CNBD1: variants seen among roughly 807,000 people sequenced by gnomAD.
CNBD1 encodes the protein cyclic nucleotide-binding domain-containing protein 1.
Under a neutral mutation model 54.4 loss-of-function variants are expected in CNBD1, and 71 were observed. That is an observed-to-expected ratio of 1.30 (90% confidence interval 1.08 to 1.59). The LOEUF (loss-of-function observed/expected upper bound fraction) is 1.59, where lower values mean the gene tolerates loss of function less well. CNBD1 is among the 40% of genes most tolerant of loss of function. The probability of loss-of-function intolerance (pLI) is 0.00; values close to 1 mark genes in which losing one functional copy is unlikely to be tolerated. For missense variants in CNBD1, 659 were observed against 518.0 expected (o/e 1.27, Z -2.64); for synonymous variants, 182 against 170.7 (o/e 1.07, Z -0.51).
At chr8:87,250,594 T>C (rs1458067040) in intron 6 of CNBD1, among the ~76,000 whole-genome samples, 1 of 152,142 alleles carries the variant, frequency 6.6e-6, no homozygotes, top group East Asian at 1.9e-4. Flanking sequence ...AACCATTGAA[T>C]GAATAAAGAA....
intron 4 of CNBD1, among the ~76,000 whole-genome samples, chr8:87,154,671 A>G (rs1332952106): frequency 2.0e-5 from 3 of 152,152 alleles, no homozygotes; most frequent in Non-Finnish European, 4.4e-5. Context: ...TGACCACAGA[A>G]TTTCCTCTAC....
chr8:87,343,105 C>A (rs1272678543), intron 8 of CNBD1, among the ~76,000 whole-genome samples: 1 of 152,186 alleles, frequency 6.6e-6, no homozygotes, highest in Non-Finnish European at 1.5e-5. Flanking sequence ...AGCGATATTT[C>A]TCCTACTTGC....
At chr8:87,181,418 T>C (rs1020154138) in intron 4 of CNBD1, among the ~76,000 whole-genome samples, 1 of 152,344 alleles carries the variant, frequency 6.6e-6, no homozygotes, top group African/African-American at 2.4e-5. Context: ...ATTAGAAATA[T>C]GGCCCTGCAA....
intron 4 of CNBD1, among the ~76,000 whole-genome samples, chr8:87,034,236 C>A (rs935740731): frequency 1.3e-5 from 2 of 152,206 alleles, no homozygotes; most frequent in African/African-American, 4.8e-5. Flanking sequence ...CTTTTCTCTG[C>A]TTCTTGGGAG....
intron 8 of CNBD1, among the ~76,000 whole-genome samples, chr8:87,296,135 A>T (rs1335390001): frequency 3.9e-5 from 6 of 152,172 alleles, no homozygotes; most frequent in Admixed American, 3.3e-4. Flanking sequence ...ATACAATTTG[A>T]TTTCTAAAAA....
At chr8:87,195,371 G>A (rs1813696743) in intron 4 of CNBD1, among the ~76,000 whole-genome samples, 3 of 151,202 alleles carry the variant, frequency 2.0e-5, no homozygotes, top group Admixed American at 1.3e-4. Flanking sequence ...TGGGATTACA[G>A]GTGCATGCCA....
chr8:87,327,409 G>A (rs930076185), intron 8 of CNBD1, among the ~76,000 whole-genome samples: 12 of 152,022 alleles, frequency 7.9e-5, no homozygotes, highest in Non-Finnish European at 1.6e-4. Flanking sequence ...CACCCTCGCT[G>A]CTGCCTTGCA....
intron 4 of CNBD1, among the ~76,000 whole-genome samples, chr8:87,167,282 A>G (rs941773679): frequency 6.6e-6 from 1 of 151,982 alleles, no homozygotes; most frequent in East Asian, 1.9e-4. Context: ...GGTACTTAGT[A>G]TATCGAACAC....
intron 4 of CNBD1, among the ~76,000 whole-genome samples, chr8:87,039,877 A>G (rs1397446225): frequency 1.3e-5 from 2 of 152,098 alleles, no homozygotes; most frequent in Admixed American, 6.6e-5. Flanking sequence ...ATGGATATCA[A>G]TCCCTATGAT....
rs947468430 is a variant in CNBD1, at chr8:87,324,797, T to G, written c.1043-26888T>G. Among the ~76,000 whole-genome samples, 101 of 132,026 alleles carry G rather than the reference T, an allele frequency of 7.7e-4. 3 individuals are homozygous for G. Among genetic ancestry groups the G allele is most frequent in the Non-Finnish European group, 1.3e-3 (78 of 59,990 alleles). The allele number at this position is 132,026 out of a possible 152,430, so 86.6% of individuals were successfully genotyped here. A position where few individuals can be genotyped will look rare whatever the true frequency, so the allele number is the denominator to read the frequency against. On this transcript the variant is annotated intron_variant, in intron 8 of 10. Coordinates refer to ENST00000518476, the MANE Select transcript of CNBD1 (RefSeq NM_173538.3). Reference sequence around the variant, plus strand: ...TTTTGAAGGGTTTTTTGTGTCTCTATTTCCTTCAGTTCTGCTCGGATTTTA... The same window carrying G: ...TTTTGAAGGGTTTTTTGTGTCTCTAGTTCCTTCAGTTCTGCTCGGATTTTA...
chr8:87,338,144 T>G lies in CNBD1; in HGVS notation c.1043-13541T>G, dbSNP rs112777769. 3.2e-3 allele frequency among the ~76,000 whole-genome samples: 483 copies of G among 152,300 alleles called. 5 individuals carry two copies. Among genetic ancestry groups the G allele is most frequent in the African/African-American group, 0.011 (448 of 41,566 alleles). On this transcript the variant is annotated intron_variant, in intron 8 of 10. Transcript: ENST00000518476. The stretch of plus-strand genomic sequence containing the variant: ...CTAATTTCAAATAATACTATACCAC[T>G]TCACAGAAAGTGTGAGTACCTTTAA...
intron 4 of CNBD1, among the ~76,000 whole-genome samples, chr8:87,041,291 A>T (rs944313450): frequency 1.3e-5 from 2 of 152,156 alleles, no homozygotes; most frequent in Non-Finnish European, 1.5e-5. Context: ...TGAAAAGATA[A>T]CTTATGGATA....
At position 87,163,997 on chromosome 8, in the gene CNBD1, A is replaced by T. The variant is rs1481638674; in HGVS notation, c.432-41996A>T. On this transcript the variant is annotated intron_variant, in intron 4 of 10. Coordinates refer to ENST00000518476, the MANE Select transcript of CNBD1 (RefSeq NM_173538.3). This position sits in a 1 kb window ranked among gnomAD's most constrained non-coding sequence, Gnocchi z 4.5. ...TGTACCTAATTTGTTGAGAATTTCT[A>T]TTTTTGAAAGAATGCCTAGTTTTGT... Among the ~76,000 whole-genome samples the T allele has an allele frequency of 6.6e-6, 1 of 151,942 alleles. No homozygotes were observed. The highest frequency in any genetic ancestry group is 1.5e-5 in the Non-Finnish European group (1 of 67,830).
intron 4 of CNBD1, among the ~76,000 whole-genome samples, chr8:87,073,197 C>T (rs887143344): frequency 4.6e-5 from 7 of 151,870 alleles, no homozygotes; most frequent in African/African-American, 1.7e-4. Flanking sequence ...CAGTCAGCTC[C>T]TGTATTTTTT....
At chr8:87,140,198 G>A (rs148612254) in intron 4 of CNBD1, among the ~76,000 whole-genome samples, 2 of 151,816 alleles carry the variant, frequency 1.3e-5, no homozygotes, top group African/African-American at 4.8e-5. Flanking sequence ...TTAAATTTCT[G>A]TCTCTGTCTC....
intron 8 of CNBD1, among the ~76,000 whole-genome samples, chr8:87,320,897 A>G (rs1339432692): frequency 6.6e-6 from 1 of 152,062 alleles, no homozygotes; most frequent in Non-Finnish European, 1.5e-5. Flanking sequence ...CTGGCAAACA[A>G]CATTCTATTT....
At chr8:86,960,868 A>G (rs543039268) in intron 4 of CNBD1, among the ~76,000 whole-genome samples, 1 of 152,296 alleles carries the variant, frequency 6.6e-6, no homozygotes, top group East Asian at 1.9e-4. Flanking sequence ...TACCCAGGCA[A>G]ACAGGTTGTG....
intron 4 of CNBD1, among the ~76,000 whole-genome samples, chr8:87,146,574 C>A (rs2130743946): frequency 6.6e-6 from 1 of 152,224 alleles, no homozygotes; most frequent in Non-Finnish European, 1.5e-5. Flanking sequence ...CTCCCCTACC[C>A]ATCCTGTAGT....
intron 4 of CNBD1, among the ~76,000 whole-genome samples, chr8:86,948,767 T>G (rs1807531864): frequency 6.6e-6 from 1 of 152,170 alleles, no homozygotes; most frequent in Non-Finnish European, 1.5e-5. Context: ...CAACTTGATG[T>G]GATCTCATTT....
Sources: gnomAD v4.1 joint callset for allele counts (sites outside exome capture counted in the v4.1 genomes callset) on GRCh38, gnomAD v4.1.1 for gene constraint, Gnocchi (gnomAD v3.1) non-coding constraint, MANE v1.5 for transcripts, NCBI Gene and HGNC (gene_info 2026-07-23, HGNC 2026-07-21) for gene names.